The following SPMAP2L variants were observed in gnomAD, a reference collection of about 807,000 sequenced individuals.
The protein encoded by SPMAP2L is sperm microtubule associated protein 2 like, also known as sperm microtubule associated protein 2-like.
chr4:56,594,855 C>T, the SPMAP2L span: 11 of 1,606,382 alleles, frequency 6.8e-6, no homozygotes, highest in Middle Eastern at 8.6e-4. Flanking sequence ...AATATGAACG[C>T]TCAGGTGGGA....
the SPMAP2L span, among the ~76,000 whole-genome samples, chr4:56,564,578 C>CT: frequency 1.4e-4 from 21 of 152,266 alleles, no homozygotes; most frequent in Admixed American, 4.6e-4. Context: ...TGCCTTCTCT[C>CT]TTTTTTTGCT....
chr4:56,539,497 C>T, the SPMAP2L span, among the ~76,000 whole-genome samples: 23 of 152,308 alleles, frequency 1.5e-4, no homozygotes, highest in East Asian at 3.7e-3. Flanking sequence ...TCTCAGCTCA[C>T]TGCAACCTCT....
At chr4:56,575,116 G>C in the SPMAP2L span, among the ~76,000 whole-genome samples, 1 of 152,056 alleles carries the variant, frequency 6.6e-6, no homozygotes, top group South Asian at 2.1e-4. Flanking sequence ...AGGCGTGGTG[G>C]TGGGCACCTG....
chr4:56,530,860 G>A, the SPMAP2L span: 6 of 1,534,742 alleles, frequency 3.9e-6, no homozygotes, highest in African/African-American at 1.4e-5. Flanking sequence ...CGAGGAACCC[G>A]AGGAGGTCAG....
the SPMAP2L span, among the ~76,000 whole-genome samples, chr4:56,532,402 T>C: frequency 4.6e-5 from 7 of 151,848 alleles, no homozygotes; most frequent in South Asian, 1.5e-3. Flanking sequence ...AATCCTTCAC[T>C]TATGCTTTAG....
the SPMAP2L span, among the ~76,000 whole-genome samples, chr4:56,575,244 A>G: frequency 9.6e-4 from 115 of 119,718 alleles, 1 homozygote; most frequent in Middle Eastern, 4.3e-3. Flanking sequence ...GCGAGACTCC[A>G]TCTCAAAAAA....
At chr4:56,600,530 G>T in the SPMAP2L span, among the ~76,000 whole-genome samples, 1 of 152,154 alleles carries the variant, frequency 6.6e-6, no homozygotes, top group East Asian at 1.9e-4. Context: ...CTGACTTCAT[G>T]ATCCACCCGC....
At chr4:56,594,176 G>A in the SPMAP2L span, 25,240 of 1,612,812 alleles carry the variant, frequency 0.016, 521 homozygotes, top group African/African-American at 0.08. Context: ...GGAGTGCAGA[G>A]GTATTCCAGG....
chr4:56,612,648 A>G, the SPMAP2L span, among the ~76,000 whole-genome samples: 12 of 150,714 alleles, frequency 8.0e-5, no homozygotes, highest in Admixed American at 7.9e-4. Flanking sequence ...GCTCACTGCA[A>G]TCTCCACCGC....
At chr4:56,563,669 G>A in the SPMAP2L span, among the ~76,000 whole-genome samples, 2 of 152,080 alleles carry the variant, frequency 1.3e-5, no homozygotes, top group African/African-American at 2.4e-5. Flanking sequence ...AAAAGTTAAC[G>A]AACTTTTTCT....
the SPMAP2L span, among the ~76,000 whole-genome samples, chr4:56,574,953 GA>G: frequency 4.1e-5 from 6 of 148,084 alleles, no homozygotes; most frequent in African/African-American, 7.5e-5. Context: ...TGTCTCAATT[GA>G]AAAAAAAAGA....
the SPMAP2L span, among the ~76,000 whole-genome samples, chr4:56,578,066 A>G: frequency 1.3e-5 from 2 of 152,238 alleles, no homozygotes; most frequent in Non-Finnish European, 2.9e-5. Context: ...AATGTAGCAC[A>G]TTTTATATAG....
chr4:56,575,604 A>C, the SPMAP2L span: 2 of 1,535,468 alleles, frequency 1.3e-6, no homozygotes, highest in Non-Finnish European at 1.7e-6. Context: ...AGAGGCTGTC[A>C]CAGCCCAATG....
At chr4:56,548,995 T>C in the SPMAP2L span, among the ~76,000 whole-genome samples, 97 of 150,394 alleles carry the variant, frequency 6.4e-4, no homozygotes, top group Admixed American at 2.5e-3. Flanking sequence ...TTCTTTCTTT[T>C]TTTTTTTTTT....
At chr4:56,541,115 T>C in the SPMAP2L span, among the ~76,000 whole-genome samples, 1 of 152,230 alleles carries the variant, frequency 6.6e-6, no homozygotes, top group Admixed American at 6.5e-5. Context: ...GGCCAATCAC[T>C]ATGAACAAAT....
the SPMAP2L span, chr4:56,584,623 C>G: frequency 1.3e-3 from 2,000 of 1,508,800 alleles, 20 homozygotes; most frequent in African/African-American, 0.023. Flanking sequence ...TAAGTGTGCC[C>G]TTGTGGAAGA....
chr4:56,609,992 G>A, the SPMAP2L span, among the ~76,000 whole-genome samples: 8 of 152,210 alleles, frequency 5.3e-5, no homozygotes, highest in South Asian at 8.3e-4. Flanking sequence ...CTTATGGATG[G>A]GTAGAGTGAA....
At chr4:56,558,812 A>G in the SPMAP2L span, among the ~76,000 whole-genome samples, 1 of 151,642 alleles carries the variant, frequency 6.6e-6, no homozygotes, top group Non-Finnish European at 1.5e-5. Context: ...GTTATATTTG[A>G]TGCTTTTTGA....
the SPMAP2L span, chr4:56,596,639 A>C: frequency 6.6e-6 from 10 of 1,508,928 alleles, no homozygotes; most frequent in Non-Finnish European, 8.8e-7. Flanking sequence ...CCTGTAAGCC[A>C]TCGCTACCTT....
Sources: gnomAD v4.1 joint callset for allele counts (sites outside exome capture counted in the v4.1 genomes callset) on GRCh38, gnomAD v4.1.1 for gene constraint, MANE v1.5 for transcripts, NCBI Gene and HGNC (gene_info 2026-07-23, HGNC 2026-07-21) for gene names.